ANKRD26: variants seen among roughly 807,000 people sequenced by gnomAD.
The protein encoded by ANKRD26 is ankyrin repeat domain 26.
Under a neutral mutation model 208.7 loss-of-function variants are expected in ANKRD26, and 141 were observed. That is an observed-to-expected ratio of 0.68 (90% CI 0.59 to 0.78). The LOEUF (loss-of-function observed/expected upper bound fraction) is 0.78, where lower values mean the gene tolerates loss of function less well. Among genes scored for constraint, ANKRD26 ranks in the 30% least tolerant of loss-of-function variants. The pLI is 0.00. For synonymous variants in ANKRD26, 636 were observed against 660.4 expected, an observed-to-expected ratio of 0.96 and a Z score of 0.57; for missense variants, 1,889 against 1,938.7, an observed-to-expected ratio of 0.97 and a Z score of 0.48.
chr10:27,067,332 GTATT>G, intron 9 of ANKRD26, 46 bp from the exon 10 acceptor site: 2 of 1,592,646 alleles, frequency 1.3e-6, no homozygotes, highest in Non-Finnish European at 1.7e-6. Flanking sequence ...AGAAAACACT[GTATT>G]TATTCACTTA....
chr10:26,978,942 G>T (rs2052265974), intron 5 of ANKRD26, among the ~76,000 whole-genome samples: 1 of 152,106 alleles, frequency 6.6e-6, no homozygotes, highest in Non-Finnish European at 1.5e-5. Context: ...AACCAAAAGG[G>T]CCGGGCGCGA....
At chr10:27,012,407 A>C (rs182409150) in intron 32 of ANKRD26, among the ~76,000 whole-genome samples, 1 of 151,556 alleles carries the variant, frequency 6.6e-6, no homozygotes, top group East Asian at 2.0e-4. Flanking sequence ...AAAAAAAAAA[A>C]ACTAAAATTT....
chr10:27,035,047 T>C lies in ANKRD26; in HGVS notation c.3403A>G (p.Arg1135Gly), dbSNP rs2053998205. The C allele has an allele frequency of 6.2e-7, 1 of 1,613,792 alleles. No individual in the cohort carries two copies. The highest frequency in any genetic ancestry group is 1.3e-5 in the African/African-American group (1 of 74,922). The part of the protein sequence containing the change: ...YIGKQESVEE[R>G]LSQLQSENML... ...TTCTCACTTTGTAGTTGAGACAATC[T>C]CTCCTCTACAGACTCCTGCTTTCCA... The change falls in exon 24 of 34, where the codon AGA (arginine) becomes GGA (glycine). Residue 1135 changes from arginine to glycine, a missense_variant. Arg to Gly is a moderately radical substitution (Grantham distance 125, BLOSUM62 -2). Coordinates refer to ENST00000376087, the MANE Select transcript of ANKRD26 (RefSeq NM_014915.3).
At position 27,042,545 on chromosome 10, in the gene ANKRD26, C is replaced by A. The variant is rs563328310; in HGVS notation, c.2161+881G>T. On this transcript the variant is annotated intron_variant, in intron 20 of 33. Transcript: ENST00000376087. The stretch of plus-strand genomic sequence containing the variant: ...AAGGCGGGTGGATCCGGAGGTCAGG[C>A]AATTGAGACCATCCTGGCTAACACG... Among the ~76,000 whole-genome samples the A allele has an allele frequency of 2.2e-4, 33 of 152,054 alleles. No homozygotes were observed. In the South Asian group the frequency reaches 6.4e-3, roughly 30 times the overall value.
rs1299231671 is a variant in ANKRD26 at position 26,997,211 on chromosome 10, T to C, written c.563-2064A>G. Reference sequence around the variant, plus strand: ...GGTAGGGCACCAAACCTGACAAAACTGTAAGGTATAGGTTTTGATTTAAAA... The same window carrying C: ...GGTAGGGCACCAAACCTGACAAAACCGTAAGGTATAGGTTTTGATTTAAAA... On this transcript the variant is annotated intron_variant, in intron 4 of 5. Transcript: ENST00000445828. 2.6e-5 allele frequency among the ~76,000 whole-genome samples: 4 copies of C among 152,118 alleles called. No individual in the cohort carries two copies. The South Asian group carries it at 8.3e-4, about 32-fold the overall frequency.
intron 25 of ANKRD26, among the ~76,000 whole-genome samples, chr10:27,032,332 C>CT (rs2053891817): frequency 6.6e-6 from 1 of 151,914 alleles, no homozygotes; most frequent in African/African-American, 2.4e-5. Context: ...AACCCCATCT[C>CT]TATTAAAAAT....
At chr10:27,053,283 C>A (rs1209954447) in intron 16 of ANKRD26, 37 bp downstream of exon 16, 2 of 1,465,136 alleles carry the variant, frequency 1.4e-6, no homozygotes, top group Non-Finnish European at 1.9e-6. Context: ...GCAAAGAAAA[C>A]AATATTAAAC....
chr10:27,045,260 C>T lies in ANKRD26; in HGVS notation c.1986-1070G>A, dbSNP rs192014182. 8.4e-4 allele frequency among the ~76,000 whole-genome samples: 128 copies of T among 152,186 alleles called. 1 individual carries two copies. Among genetic ancestry groups the T allele is most frequent in the African/African-American group, 3.0e-3 (123 of 41,522 alleles). ...CCAACATGGCGCAACCCTGTCTCTACTAAAAATACAAAAAATAGCCGGGCA... is the reference window on the plus strand; with the variant it reads ...CCAACATGGCGCAACCCTGTCTCTATTAAAAATACAAAAAATAGCCGGGCA... On this transcript the variant is annotated intron_variant, in intron 18 of 33. Coordinates refer to ENST00000376087, the MANE Select transcript of ANKRD26 (RefSeq NM_014915.3).
intron 4 of ANKRD26, among the ~76,000 whole-genome samples, chr10:26,981,271 A>C (rs1422115543): frequency 6.6e-6 from 1 of 152,258 alleles, no homozygotes; most frequent in Non-Finnish European, 1.5e-5. Flanking sequence ...GTTTCAAAAA[A>C]GCAACAGGCA....
At chr10:27,071,914 G>A (rs1036890131) in intron 9 of ANKRD26, among the ~76,000 whole-genome samples, 1 of 152,192 alleles carries the variant, frequency 6.6e-6, no homozygotes, top group Non-Finnish European at 1.5e-5. Context: ...ACTCCAGGAG[G>A]GACAGAGGGA....
intron 4 of ANKRD26, among the ~76,000 whole-genome samples, chr10:27,092,095 C>G (rs889477423): frequency 6.6e-6 from 1 of 151,950 alleles, no homozygotes; most frequent in Non-Finnish European, 1.5e-5. Context: ...CATGGGTTTA[C>G]AAATAACAAA....
chr10:26,991,525 C>T (rs190893755), downstream of ANKRD26, among the ~76,000 whole-genome samples: 201 of 152,236 alleles, frequency 1.3e-3, no homozygotes, highest in African/African-American at 4.5e-3. Context: ...CAACTGCAAC[C>T]TCTGCCTCCC....
chr10:26,979,288 G>T (rs1434037311), intron 5 of ANKRD26, among the ~76,000 whole-genome samples: 1 of 152,130 alleles, frequency 6.6e-6, no homozygotes, highest in African/African-American at 2.4e-5. Flanking sequence ...CCTGGTGAAG[G>T]ATATCAAGCC....
chr10:27,052,044 T>C, intron 16 of ANKRD26: 1 of 985,410 alleles, frequency 1.0e-6, no homozygotes, highest in Non-Finnish European at 1.2e-6. Context: ...TTCTGGTTCT[T>C]GAGACATCTT....
rs372381220 is a variant in ANKRD26, at chr10:27,064,768, T to TA, written c.1270-688dup. ...GAAAAATTTTGCTTTATGTTATGTC[T>TA]AAAGAAAAGCAAGGAAATACAAGAT... On this transcript the variant is annotated intron_variant, in intron 11 of 33. Coordinates refer to ENST00000376087, the MANE Select transcript of ANKRD26 (RefSeq NM_014915.3). Among the ~76,000 whole-genome samples, 743 of 152,238 alleles carry TA rather than the reference T, an allele frequency of 4.9e-3. 9 individuals carry two copies. Among genetic ancestry groups the TA allele is most frequent in the African/African-American group, 0.017 (706 of 41,542 alleles).
intron 20 of ANKRD26, among the ~76,000 whole-genome samples, chr10:27,042,543 G>C (rs1389346054): frequency 6.6e-6 from 1 of 152,114 alleles, no homozygotes; most frequent in Non-Finnish European, 1.5e-5. Context: ...CCGGAGGTCA[G>C]GCAATTGAGA....
At chr10:26,956,636 A>G in the ANKRD26 span, among the ~76,000 whole-genome samples, 3 of 152,060 alleles carry the variant, frequency 2.0e-5, no homozygotes, top group Non-Finnish European at 4.4e-5. Flanking sequence ...TGTCTCAAAA[A>G]AAAAAAAGTA....
At chr10:27,055,362 A>G (rs1018335875) in intron 15 of ANKRD26, among the ~76,000 whole-genome samples, 1 of 152,216 alleles carries the variant, frequency 6.6e-6, no homozygotes, top group Non-Finnish European at 1.5e-5. Flanking sequence ...ATATATATGT[A>G]TAGGTGAGTA....
At chr10:27,062,463 C>A (rs562743981) in intron 12 of ANKRD26, among the ~76,000 whole-genome samples, 2 of 152,282 alleles carry the variant, frequency 1.3e-5, no homozygotes, top group East Asian at 3.9e-4. Context: ...CCCAGGCCTG[C>A]TCAATCAAAA....
Sources: allele counts gnomAD v4.1 joint callset (sites outside exome capture counted in the v4.1 genomes callset), GRCh38; gene constraint gnomAD v4.1.1; transcripts MANE v1.5; gene names NCBI Gene and HGNC (gene_info 2026-07-23, HGNC 2026-07-21).